The following UCN3 variants were observed in gnomAD, a reference collection of about 807,000 sequenced individuals.
The protein encoded by UCN3 is urocortin-3.
In UCN3, 3 loss-of-function variants were observed where a neutral mutation model predicts 3.6. The observed-to-expected ratio is 0.83, with a 90% CI of 0.38 to 2.15. The LOEUF (loss-of-function observed/expected upper bound fraction) is 2.15. UCN3 is among the 30% of genes most tolerant of loss of function. UCN3 has a pLI of 0.06. For synonymous variants in UCN3, 100 were observed against 93.2 expected, an observed-to-expected ratio of 1.07 and a Z score of -0.42; for missense variants, 206 against 208.3, an observed-to-expected ratio of 0.99 and a Z score of 0.07.
chr10:5,373,635 C>A, intron 1 of UCN3, 80 bp from the exon 2 acceptor site: 1 of 1,539,910 alleles, frequency 6.5e-7, no homozygotes, highest in Non-Finnish European at 8.7e-7. Flanking sequence ...TTAACAACAC[C>A]CTAGTAGATT....
Position 5,369,915 on chromosome 10 carries a change from ATG to A in UCN3, c.-6-3792_-6-3791del, listed in dbSNP as rs1204886146. Reference sequence around the variant, plus strand: ...TGTGTGTGTATATGTGTGTGTGTATATGTGTGTGTATGTGTGTGTGTGTATGT... The same window carrying A: ...TGTGTGTGTATATGTGTGTGTGTATATGTGTGTATGTGTGTGTGTGTATGT... On this transcript the variant is annotated intron_variant, in intron 1 of 1. Coordinates refer to ENST00000380433, the MANE Select transcript of UCN3 (RefSeq NM_053049.4). Among the ~76,000 whole-genome samples, 26 of 77,512 alleles carry A rather than the reference ATG, an allele frequency of 3.4e-4. 6 individuals carry two copies. The East Asian group carries it at 3.8e-3, about 11-fold the overall frequency. The allele number at this position is 77,512 out of a possible 152,430, so 50.9% of individuals were successfully genotyped here. A position where few individuals can be genotyped will look rare whatever the true frequency, so the allele number is the denominator to read the frequency against.
At chr10:5,370,540 CGTGTATAT>C (rs1158059875) in intron 1 of UCN3, among the ~76,000 whole-genome samples, 2 of 21,190 alleles carry the variant, frequency 9.4e-5, no homozygotes, top group East Asian at 3.0e-3. Flanking sequence ...TGTGTATATG[CGTGTATAT>C]GTGTGTATAT....
chr10:5,370,139 GTATGCGTGTGTA>G lies in UCN3; in HGVS notation c.-6-3571_-6-3560del, dbSNP rs1304147091. On this transcript the variant is annotated intron_variant, in intron 1 of 1. Transcript: ENST00000380433. ...TGTGTGTATGTGTGTGTATGTGTGT[GTATGCGTGTGTA>G]TATGTGTGTGTATATGTGTGTGTAT... Among the ~76,000 whole-genome samples the G allele has an allele frequency of 4.3e-3, 225 of 52,268 alleles. 47 individuals carry two copies. Among genetic ancestry groups the G allele is most frequent in the Non-Finnish European group, 5.8e-3 (165 of 28,472 alleles). 34.3% of individuals were successfully genotyped at this position (52,268 alleles called of 152,430 possible). A position where few individuals can be genotyped will look rare whatever the true frequency, so the allele number is the denominator to read the frequency against.
At chr10:5,368,677 A>G (rs1831288579) in intron 1 of UCN3, among the ~76,000 whole-genome samples, 2 of 152,180 alleles carry the variant, frequency 1.3e-5, no homozygotes, top group South Asian at 4.1e-4. Context: ...TTAGCAAGCC[A>G]TTCGAAATAA....
chr10:5,370,643 ATATGTGTGTGTATGTGTGTG>A (rs1238566095), intron 1 of UCN3, among the ~76,000 whole-genome samples: 17 of 40,368 alleles, frequency 4.2e-4, no homozygotes, highest in South Asian at 1.1e-3. Flanking sequence ...ATGTGTGTGT[ATATGTGTGTGTATGTGTGTG>A]TATGTGTGTG....
At position 5,373,771 on chromosome 10, in the gene UCN3, C is replaced by A. The variant is rs376416490; in HGVS notation, c.51C>A (p.Gly17=). The A allele has an allele frequency of 4.8e-5, 77 of 1,613,768 alleles. No individual in the cohort carries two copies. Among genetic ancestry groups the A allele is most frequent in the Non-Finnish European group, 5.8e-5 (68 of 1,179,916 alleles). ...TGCTCCTGCTGCTGCTCCTGGGGGG[C>A]CCCAGGACAGGCCTCCCCCACAAGT... ...FLLLLLLLLG[G]PRTGLPHKFY... Residue 17 remains glycine (G), a synonymous_variant, in exon 2 of 2, where the codon GGC becomes GGA. Coordinates refer to ENST00000380433, the MANE Select transcript of UCN3 (RefSeq NM_053049.4).
rs1554810646 is a variant in UCN3 at position 5,365,434 on chromosome 10, A to G, written c.-7+204A>G. Among the ~76,000 whole-genome samples, 1 of 152,242 alleles carries G rather than the reference A, an allele frequency of 6.6e-6. No homozygotes were observed. Among genetic ancestry groups the G allele is most frequent in the Non-Finnish European group, 1.5e-5 (1 of 68,048 alleles). ...ACCAGGGGAAGTTTCTCAGGGAGGC[A>G]CAATCACATTCCCACGTTGGTATAG... On this transcript the variant is annotated intron_variant, in intron 1 of 1. Transcript: ENST00000380433. The surrounding 1 kb of genome is among the most constrained non-coding windows in gnomAD (Gnocchi z 4.4).
chr10:5,369,871 G>GTGTGTC (rs1410186192), intron 1 of UCN3, among the ~76,000 whole-genome samples: 2 of 96,446 alleles, frequency 2.1e-5, no homozygotes, highest in Non-Finnish European at 4.2e-5. Flanking sequence ...GGGTGTGTGT[G>GTGTGTC]TATATGTGTG....
chr10:5,368,980 G>A (rs896244742), intron 1 of UCN3, among the ~76,000 whole-genome samples: 7 of 152,172 alleles, frequency 4.6e-5, no homozygotes, highest in Non-Finnish European at 7.3e-5. Context: ...GACTGTGCTA[G>A]AAATGCATGT....
In UCN3 at chr10:5,373,959, C is replaced by T. The variant is rs1564444879; in HGVS notation, c.239C>T (p.Thr80Ile). ...GAGGAGGAGGGCAAAGAGAAAAAGA[C>T]TTTCCCCATCTCTGGGGCCAGGGGT... is the stretch of plus-strand genomic sequence containing the variant. ...GEEEEGKEKK[T>I]FPISGARGGA... The change falls in exon 2 of 2, where the codon ACT becomes ATT. Residue 80 changes from threonine to isoleucine, a missense_variant. Physicochemically the swap from Thr to Ile is moderately conservative, Grantham distance 89. Transcript: ENST00000380433. 1 of 1,610,820 alleles carries T rather than the reference C, an allele frequency of 6.2e-7. No homozygotes were observed. Among genetic ancestry groups the T allele is most frequent in the Non-Finnish European group, 8.5e-7 (1 of 1,178,520 alleles).
At chr10:5,368,968 G>C (rs1193199461) in intron 1 of UCN3, among the ~76,000 whole-genome samples, 1 of 152,138 alleles carries the variant, frequency 6.6e-6, no homozygotes, top group Non-Finnish European at 1.5e-5. Context: ...AGCATCACGT[G>C]GGACTGTGCT....
chr10:5,371,929 C>T (rs1831434490), intron 1 of UCN3, among the ~76,000 whole-genome samples: 1 of 152,176 alleles, frequency 6.6e-6, no homozygotes, highest in South Asian at 2.1e-4. Context: ...CAGGAAAAGC[C>T]CTCAAATGTA....
intron 1 of UCN3, among the ~76,000 whole-genome samples, chr10:5,370,822 TGCGC>T (rs782485167): frequency 0.021 from 2,214 of 103,758 alleles, 139 homozygotes; most frequent in East Asian, 0.085. Context: ...TGCGTGTGTG[TGCGC>T]GCGTGTGTGT....
chr10:5,371,180 CAT>C (rs1404716385), intron 1 of UCN3, among the ~76,000 whole-genome samples: 3 of 140,476 alleles, frequency 2.1e-5, no homozygotes, highest in East Asian at 2.2e-4. Flanking sequence ...TATGTATGTG[CAT>C]ATGTGTACGT....
rs889312623 is a variant in UCN3, at chr10:5,366,721, G to A, written c.-7+1491G>A. 3.3e-5 allele frequency among the ~76,000 whole-genome samples: 5 copies of A among 152,130 alleles called. No homozygotes were observed. The highest frequency in any genetic ancestry group is 4.8e-5 in the African/African-American group (2 of 41,414). On this transcript the variant is annotated intron_variant, in intron 1 of 1. Coordinates refer to ENST00000380433, the MANE Select transcript of UCN3 (RefSeq NM_053049.4). This position sits in a 1 kb window ranked among gnomAD's most constrained non-coding sequence, Gnocchi z 4.2. ...CGATCTAAAACTAAGCTCAGCACCGGGCGTCCCTATCATGTCCAATTCACA... is the reference window on the plus strand; with the variant it reads ...CGATCTAAAACTAAGCTCAGCACCGAGCGTCCCTATCATGTCCAATTCACA...
At position 5,365,113 on chromosome 10, in the gene UCN3, G is replaced by C. The variant is rs1554810610; in HGVS notation, c.-124G>C. ...CTTAGGAACAATACCGGAGAAGCAGGAGCCGAGACCCCGGAGCAGCCACAA... is the reference window on the plus strand; with the variant it reads ...CTTAGGAACAATACCGGAGAAGCAGCAGCCGAGACCCCGGAGCAGCCACAA... On this transcript the variant is annotated 5_prime_UTR_variant, in exon 1 of 2. Coordinates refer to ENST00000380433, the MANE Select transcript of UCN3 (RefSeq NM_053049.4). The surrounding 1 kb of genome is among the most constrained non-coding windows in gnomAD (Gnocchi z 4.4). 1 of 152,354 alleles carries C rather than the reference G, an allele frequency of 6.6e-6. No homozygotes were observed. The highest frequency in any genetic ancestry group is 1.5e-5 in the Non-Finnish European group (1 of 68,158). 9.4% of individuals were successfully genotyped at this position (152,354 alleles called of 1,614,324 possible).
chr10:5,370,633 ATGTGTGTGTATATGTGTGTG>A (rs1831381339), intron 1 of UCN3, among the ~76,000 whole-genome samples: 1 of 64,018 alleles, frequency 1.6e-5, no homozygotes, highest in African/African-American at 7.2e-5. Context: ...ATGCGTGTGT[ATGTGTGTGTATATGTGTGTG>A]TATGTGTGTG....
At position 5,373,835 on chromosome 10, in the gene UCN3, G is replaced by A. The variant is rs143074510; in HGVS notation, c.115G>A (p.Ala39Thr). 373 of 1,614,018 alleles carry A rather than the reference G, an allele frequency of 2.3e-4. 2 individuals are homozygous for A. The East Asian group carries it at 6.0e-3, about 26-fold the overall frequency. The change falls in exon 2 of 2, where the codon GCC becomes ACC. Residue 39 changes from alanine to threonine, a missense_variant. Transcript: ENST00000380433. ...AKPIFSCLNT[A>T]LSEAEKGQWE... ...GCCCATCTTCAGCTGCCTCAACACC[G>A]CCCTGTCTGAGGCTGAGAAGGGCCA...
At chr10:5,370,323 G>A (rs1406648420) in intron 1 of UCN3, among the ~76,000 whole-genome samples, 1 of 93,856 alleles carries the variant, frequency 1.1e-5, no homozygotes, top group Admixed American at 1.1e-4. Flanking sequence ...GTATGTGTGT[G>A]TATATGCGTG....
Sources: allele counts gnomAD v4.1 joint callset (sites outside exome capture counted in the v4.1 genomes callset), GRCh38; gene constraint gnomAD v4.1.1; non-coding constraint Gnocchi (gnomAD v3.1); transcripts MANE v1.5; gene names NCBI Gene and HGNC (gene_info 2026-07-23, HGNC 2026-07-21).